Variants in TP63 observed in about 807,000 individuals in gnomAD.
TP63 encodes the protein tumor protein p63.
A neutral mutation model predicts 82.8 loss-of-function variants in TP63; 17 were observed. The observed-to-expected ratio is 0.21, with a 90% CI of 0.14 to 0.31. TP63 has a LOEUF of 0.31. Ranked by LOEUF, TP63 falls within the 10% of genes least tolerant of loss-of-function variation. The pLI, the probability that TP63 is intolerant of heterozygous loss-of-function variation, is 1.00. For synonymous variants in TP63, 330 were observed against 321.7 expected, an observed-to-expected ratio of 1.03 and a Z score of -0.28; for missense variants, 648 against 895.3, an observed-to-expected ratio of 0.72 and a Z score of 3.52.
At chr3:189,703,661 C>T (rs1434167888) in intron 1 of TP63, among the ~76,000 whole-genome samples, 10 of 152,176 alleles carry the variant, frequency 6.6e-5, no homozygotes, top group African/African-American at 2.2e-4. Context: ...TATACTAATA[C>T]AGAGAAAAGC....
At chr3:189,827,705 G>C (rs560570752) in intron 4 of TP63, among the ~76,000 whole-genome samples, 1 of 152,190 alleles carries the variant, frequency 6.6e-6, no homozygotes, top group African/African-American at 2.4e-5. Context: ...TAGAAAGTTT[G>C]CAGGAACAGG....
intron 3 of TP63, among the ~76,000 whole-genome samples, chr3:189,770,672 T>C (rs964268873): frequency 6.6e-5 from 10 of 152,248 alleles, no homozygotes; most frequent in Non-Finnish European, 1.3e-4. Context: ...CCTAGAAGGC[T>C]GTCCCTTCTT....
At chr3:189,844,166 C>A (rs1408498216) in intron 4 of TP63, 7 of 370,716 alleles carry the variant, frequency 1.9e-5, no homozygotes, top group Non-Finnish European at 3.1e-5. Context: ...GAACACTTTT[C>A]CTTTTTCTTT....
chr3:189,839,671 A>G (rs546283873), intron 4 of TP63, among the ~76,000 whole-genome samples: 2 of 152,360 alleles, frequency 1.3e-5, no homozygotes, highest in African/African-American at 4.8e-5. Context: ...TAGTGGAAAC[A>G]ACAGCTCAGC....
intron 10 of TP63, chr3:189,873,363 G>A (rs1280191968): frequency 9.2e-6 from 3 of 324,862 alleles, no homozygotes; most frequent in Admixed American, 4.3e-5. Flanking sequence ...TCATCCCAAT[G>A]GATTGTCTTA....
intron 4 of TP63, among the ~76,000 whole-genome samples, chr3:189,854,095 GTGC>G (rs1469279161): frequency 6.6e-6 from 1 of 152,150 alleles, no homozygotes; most frequent in Non-Finnish European, 1.5e-5. Flanking sequence ...ACCTAGCATT[GTGC>G]AATACATGCT....
At chr3:189,875,603 T>TATATATATATATATATATATACACAC (rs1718990675) in intron 10 of TP63, among the ~76,000 whole-genome samples, 1 of 35,114 alleles carries the variant, frequency 2.8e-5, no homozygotes, top group Non-Finnish European at 8.3e-5. Flanking sequence ...CATATATATA[T>TATATATATATATATATATATACACAC]ATATATATAT....
chr3:189,791,659 C>T (rs1425181244), intron 3 of TP63, among the ~76,000 whole-genome samples: 1 of 152,082 alleles, frequency 6.6e-6, no homozygotes, highest in African/African-American at 2.4e-5. Context: ...TGTCTTTTTG[C>T]ATGTTGCCTG....
intron 4 of TP63, among the ~76,000 whole-genome samples, chr3:189,808,975 A>G (rs145850637): frequency 6.6e-6 from 1 of 152,294 alleles, no homozygotes; most frequent in East Asian, 1.9e-4. Flanking sequence ...TATAAAAATT[A>G]AGAAAATAAA....
intron 1 of TP63, among the ~76,000 whole-genome samples, chr3:189,634,585 A>G (rs894305295): frequency 1.3e-5 from 2 of 152,084 alleles, no homozygotes; most frequent in African/African-American, 4.8e-5. Context: ...TGAAAACCAA[A>G]AAGGCAGTTA....
chr3:189,606,184 G>T, the TP63 span, among the ~76,000 whole-genome samples: 3 of 152,022 alleles, frequency 2.0e-5, no homozygotes, highest in Non-Finnish European at 4.4e-5. Flanking sequence ...CTACTTTATT[G>T]ATCCAAACAC....
intron 1 of TP63, among the ~76,000 whole-genome samples, chr3:189,714,086 C>T (rs1718786803): frequency 6.6e-6 from 1 of 152,150 alleles, no homozygotes; most frequent in Admixed American, 6.6e-5. Flanking sequence ...GTGGTATTCA[C>T]AGATCCTCAG....
rs13065563 is a variant in TP63 at position 189,774,351 on chromosome 3, A to T, written c.325-33921A>T. On this transcript the variant is annotated intron_variant, in intron 3 of 13. Coordinates refer to ENST00000264731, the MANE Select transcript of TP63 (RefSeq NM_003722.5). ...AAATTGCTTTCTTCCAACGAACTGC[A>T]TTTCCTGTAGAACACAAATTTTATA... is the stretch of plus-strand genomic sequence containing the variant. Among the ~76,000 whole-genome samples, 1,359 of 152,250 alleles carry T rather than the reference A, an allele frequency of 8.9e-3. 21 individuals are homozygous for T. The highest frequency in any genetic ancestry group is 0.029 in the African/African-American group (1,215 of 41,540).
chr3:189,644,937 G>T (rs1712268369), intron 1 of TP63, among the ~76,000 whole-genome samples: 2 of 149,616 alleles, frequency 1.3e-5, no homozygotes, highest in Non-Finnish European at 1.5e-5. Flanking sequence ...ATGGTGAAAT[G>T]GTACTTTTAT....
intron 3 of TP63, among the ~76,000 whole-genome samples, chr3:189,765,658 C>T (rs991134724): frequency 2.0e-4 from 31 of 151,670 alleles, no homozygotes; most frequent in African/African-American, 7.3e-4. Context: ...TGGTCTCGAT[C>T]TCCTGACCTC....
intron 4 of TP63, among the ~76,000 whole-genome samples, chr3:189,826,470 A>C (rs1729361545): frequency 6.6e-6 from 1 of 152,208 alleles, no homozygotes; most frequent in Non-Finnish European, 1.5e-5. Context: ...ATTCCAAGAC[A>C]CATACAGTTT....
chr3:189,856,639 A>T (rs534996403), intron 4 of TP63, among the ~76,000 whole-genome samples: 1 of 152,176 alleles, frequency 6.6e-6, no homozygotes, highest in Non-Finnish European at 1.5e-5. Flanking sequence ...ACAAAAAGCT[A>T]CAAGAACTAG....
At chr3:189,643,004 TTTATTTATTCA>T (rs940628974) in intron 1 of TP63, among the ~76,000 whole-genome samples, 3 of 46,328 alleles carry the variant, frequency 6.5e-5, no homozygotes, top group African/African-American at 1.7e-4. Flanking sequence ...TATTTATTTA[TTTATTTATTCA>T]TTTTAGATGG....
intron 1 of TP63, among the ~76,000 whole-genome samples, chr3:189,705,146 C>G (rs1718105161): frequency 6.6e-6 from 1 of 152,314 alleles, no homozygotes; most frequent in East Asian, 1.9e-4. Context: ...TCTCAATGCT[C>G]AAGCTATCTG....
Sources: allele counts gnomAD v4.1 joint callset (sites outside exome capture counted in the v4.1 genomes callset), GRCh38; gene constraint gnomAD v4.1.1; transcripts MANE v1.5; gene names NCBI Gene and HGNC (gene_info 2026-07-23, HGNC 2026-07-21).